The following CFAP299 variants were observed in gnomAD, a reference collection of about 807,000 sequenced individuals.
CFAP299 encodes the protein cilia and flagella associated protein 299, also known as cilia- and flagella-associated protein 299.
Under a neutral mutation model 27.0 loss-of-function variants are expected in CFAP299, and 21 were observed. The observed-to-expected ratio is 0.78, with a 90% CI of 0.55 to 1.12. CFAP299 has a LOEUF of 1.12. CFAP299 is among the 50% of genes most tolerant of loss of function. The pLI, the probability that CFAP299 is intolerant of heterozygous loss-of-function variation, is 0.00. For missense variants in CFAP299, 310 were observed against 276.6 expected (o/e 1.12, Z -0.86); for synonymous variants, 104 against 98.1 (o/e 1.06, Z -0.36).
rs141861948 is a variant in CFAP299 at position 80,495,759 on chromosome 4, G to C, written c.243-87334G>C. On this transcript the variant is annotated intron_variant, in intron 2 of 5. Transcript: ENST00000358105. ...TAATTGGCTTATGGTTCTGCTGGCT[G>C]TACAGGAAGCATGATACTAGCATCT... Among the ~76,000 whole-genome samples, 266 of 152,374 alleles carry C rather than the reference G, an allele frequency of 1.7e-3. 1 individual carries two copies. Among genetic ancestry groups the C allele is most frequent in the Non-Finnish European group, 3.1e-3 (209 of 68,040 alleles).
At chr4:80,334,705 A>G (rs923044058), upstream of CFAP299, among the ~76,000 whole-genome samples, 1 of 152,242 alleles carries the variant, frequency 6.6e-6, no homozygotes, top group Non-Finnish European at 1.5e-5. Flanking sequence ...AAACAAACAA[A>G]AAAACAAGTT....
At chr4:80,939,772 T>C (rs777445229) in intron 4 of CFAP299, among the ~76,000 whole-genome samples, 2 of 152,178 alleles carry the variant, frequency 1.3e-5, no homozygotes, top group Non-Finnish European at 2.9e-5. Context: ...GTCTTTACTA[T>C]CTGTCTTCAA....
chr4:80,334,900 G>T (rs1041687278), upstream of CFAP299, among the ~76,000 whole-genome samples: 1 of 152,182 alleles, frequency 6.6e-6, no homozygotes, highest in African/African-American at 2.4e-5. Context: ...CGTACTTACA[G>T]AGCAACAATT....
chr4:80,447,439 TGTTTGTTTTTTAAGACAGA>T (rs1728698957), intron 2 of CFAP299, among the ~76,000 whole-genome samples: 1 of 139,968 alleles, frequency 7.1e-6, no homozygotes, highest in Non-Finnish European at 1.5e-5. Flanking sequence ...CCGGCCTATT[TGTTTGTTTTTTAAGACAGA>T]GTCTTGCTCT....
At chr4:80,959,105 A>G (rs1164779337) in intron 5 of CFAP299, among the ~76,000 whole-genome samples, 1 of 152,162 alleles carries the variant, frequency 6.6e-6, no homozygotes, top group Non-Finnish European at 1.5e-5. Flanking sequence ...CAATGATAAT[A>G]AAGCCACTGC....
chr4:80,370,495 A>C (rs1465176105), intron 2 of CFAP299, among the ~76,000 whole-genome samples: 1 of 152,226 alleles, frequency 6.6e-6, no homozygotes, highest in Non-Finnish European at 1.5e-5. Flanking sequence ...CCTTTTGCCT[A>C]TGAGCCTGTA....
chr4:80,798,994 A>G (rs1235601024), intron 3 of CFAP299, among the ~76,000 whole-genome samples: 4 of 150,258 alleles, frequency 2.7e-5, no homozygotes, highest in Non-Finnish European at 5.9e-5. Flanking sequence ...AAAACAATAA[A>G]AGAATTCATC....
At chr4:80,765,073 C>T (rs1725781651) in intron 3 of CFAP299, among the ~76,000 whole-genome samples, 1 of 151,440 alleles carries the variant, frequency 6.6e-6, no homozygotes, top group Non-Finnish European at 1.5e-5. Context: ...ACACGTATCC[C>T]AGAACTTATA....
intron 2 of CFAP299, among the ~76,000 whole-genome samples, chr4:80,403,025 A>G (rs1479600170): frequency 1.3e-5 from 2 of 152,200 alleles, no homozygotes; most frequent in African/African-American, 4.8e-5. Context: ...TGTCCTTAAT[A>G]TGTTTATTTA....
chr4:80,861,718 T>C (rs6841342), intron 3 of CFAP299, among the ~76,000 whole-genome samples: 1 of 152,136 alleles, frequency 6.6e-6, no homozygotes, highest in African/African-American at 2.4e-5. Flanking sequence ...TTCTAGAAAT[T>C]TATTTTACAC....
In CFAP299 at chr4:80,646,939, C is replaced by A. The variant is rs528573495; in HGVS notation, c.333+63756C>A. On this transcript the variant is annotated intron_variant, in intron 3 of 5. Transcript: ENST00000358105. ...ATAAGTTAGAAAAATATGTTTGAAA[C>A]TAGGTTTGGACTAGGTTTTCCAATT... Among the ~76,000 whole-genome samples the A allele has an allele frequency of 1.2e-3, 186 of 151,654 alleles. 4 individuals carry two copies. The South Asian group carries it at 0.026, about 21-fold the overall frequency.
chr4:80,506,224 T>C (rs1732028704), intron 2 of CFAP299, among the ~76,000 whole-genome samples: 1 of 152,094 alleles, frequency 6.6e-6, no homozygotes, highest in Non-Finnish European at 1.5e-5. Flanking sequence ...TATCTTAGTA[T>C]TGGTTCTCAT....
At chr4:80,767,036 C>T (rs1225997135) in intron 3 of CFAP299, among the ~76,000 whole-genome samples, 2 of 152,134 alleles carry the variant, frequency 1.3e-5, no homozygotes, top group East Asian at 3.9e-4. Context: ...TATTCCAAGA[C>T]CCTCAGTGAA....
At chr4:80,956,546 C>G (rs1271502663) in intron 5 of CFAP299, among the ~76,000 whole-genome samples, 2 of 152,128 alleles carry the variant, frequency 1.3e-5, no homozygotes, top group African/African-American at 2.4e-5. Flanking sequence ...GATCCCACTT[C>G]CACCCCGGCA....
chr4:80,811,695 A>G (rs1457937861), intron 3 of CFAP299, among the ~76,000 whole-genome samples: 1 of 152,150 alleles, frequency 6.6e-6, no homozygotes, highest in Non-Finnish European at 1.5e-5. Flanking sequence ...GAGAAGCTGC[A>G]TTGCTGGAGA....
chr4:80,731,931 G>GT, intron 3 of CFAP299, among the ~76,000 whole-genome samples: 1 of 152,138 alleles, frequency 6.6e-6, no homozygotes, highest in African/African-American at 2.4e-5. Flanking sequence ...AGTTTGTCAT[G>GT]TTTTTGTTAT....
intron 2 of CFAP299, among the ~76,000 whole-genome samples, chr4:80,390,884 T>A (rs1725414572): frequency 1.3e-5 from 1 of 75,190 alleles, no homozygotes; most frequent in South Asian, 3.9e-4. Flanking sequence ...TATGTATATA[T>A]GTATATACAC....
intron 3 of CFAP299, among the ~76,000 whole-genome samples, chr4:80,618,563 GT>G (rs1738413566): frequency 6.6e-6 from 1 of 151,988 alleles, no homozygotes; most frequent in African/African-American, 2.4e-5. Flanking sequence ...GTAATATGAA[GT>G]AAACATCAAT....
At chr4:80,823,404 AC>A (rs1443487303) in intron 3 of CFAP299, among the ~76,000 whole-genome samples, 4 of 152,102 alleles carry the variant, frequency 2.6e-5, no homozygotes, top group Non-Finnish European at 5.9e-5. Flanking sequence ...ATCCAAGGAG[AC>A]CCAGAGACCT....
Sources: gnomAD v4.1 joint callset for allele counts (sites outside exome capture counted in the v4.1 genomes callset) on GRCh38, gnomAD v4.1.1 for gene constraint, MANE v1.5 for transcripts, NCBI Gene and HGNC (gene_info 2026-07-23, HGNC 2026-07-21) for gene names.